Variants in CACNA2D4 observed in about 807,000 individuals in gnomAD.
CACNA2D4 encodes calcium voltage-gated channel auxiliary subunit alpha2delta 4.
In CACNA2D4, 157 loss-of-function variants were observed where a neutral mutation model predicts 163.8. The observed-to-expected ratio is 0.96, with a 90% confidence interval of 0.84 to 1.09. The LOEUF is 1.09. CACNA2D4 is among the 50% of genes least tolerant of loss of function. The pLI, the probability that CACNA2D4 is intolerant of heterozygous loss-of-function variation, is 0.00. For missense variants in CACNA2D4, 1,410 were observed against 1,479.9 expected, an observed-to-expected ratio of 0.95 and a Z score of 0.78; for synonymous variants, 598 against 586.9, an observed-to-expected ratio of 1.02 and a Z score of -0.27.
rs146080972 is a variant in CACNA2D4 at position 1,799,579 on chromosome 12, C to A, written c.2995+96G>T. The A allele has an allele frequency of 9.7e-5, 129 of 1,324,070 alleles. No individual in the cohort carries two copies. In the African/African-American group the frequency reaches 1.6e-3, roughly 17 times the overall value. The allele number at this position is 1,324,070 out of a possible 1,614,324, so 82.0% of individuals were successfully genotyped here. A position where few individuals can be genotyped will look rare whatever the true frequency, so the allele number is the denominator to read the frequency against. On this transcript the variant is annotated intron_variant, in intron 34 of 37. Coordinates refer to ENST00000382722, the MANE Select transcript of CACNA2D4 (RefSeq NM_172364.5). This position sits in a 1 kb window ranked among gnomAD's most constrained non-coding sequence, Gnocchi z 4.7. The stretch of plus-strand genomic sequence containing the variant: ...AGGAGAGCTCAGCCCTGCTTGGGGT[C>A]ATTCCTGGGACAGGTCATGGAGGGT...
At chr12:1,863,120 T>C (rs765603441) in intron 18 of CACNA2D4, among the ~76,000 whole-genome samples, 3 of 152,250 alleles carry the variant, frequency 2.0e-5, no homozygotes, top group South Asian at 2.1e-4. Context: ...GTATGAGCTA[T>C]GGCTCAATGT....
intron 8 of CACNA2D4, 84 bp from the exon 9 acceptor site, chr12:1,886,123 T>C (rs2154449818): frequency 6.5e-7 from 1 of 1,535,042 alleles, no homozygotes; most frequent in Non-Finnish European, 9.0e-7. Context: ...AAGACACTCA[T>C]GCAGGTCACC....
intron 32 of CACNA2D4, 135 bp downstream of exon 32, chr12:1,800,251 G>T: frequency 9.6e-7 from 1 of 1,040,434 alleles, no homozygotes; most frequent in Non-Finnish European, 1.5e-6. Flanking sequence ...CATGCCCAGG[G>T]ATTGTGCCCT....
chr12:1,880,787 T>C (rs1245163006), intron 13 of CACNA2D4, among the ~76,000 whole-genome samples: 1 of 152,208 alleles, frequency 6.6e-6, no homozygotes. Context: ...CACGATGACA[T>C]CTAATTGTTT....
At chr12:1,889,876 G>A (rs1866236210) in intron 6 of CACNA2D4, among the ~76,000 whole-genome samples, 1 of 152,174 alleles carries the variant, frequency 6.6e-6, no homozygotes, top group African/African-American at 2.4e-5. Flanking sequence ...GAGGCATCTG[G>A]TACTTTCCTC....
Position 1,897,857 on chromosome 12 carries a change from C to T in CACNA2D4, c.781+9583G>A, listed in dbSNP as rs190050453. On this transcript the variant is annotated intron_variant, in intron 6 of 37. Coordinates refer to ENST00000382722, the MANE Select transcript of CACNA2D4 (RefSeq NM_172364.5). Reference sequence around the variant, plus strand: ...CAGAAAATTTAAGCAATACAGTTAACAAGCTTGATCTAATGGCATGTATAG... The same window carrying T: ...CAGAAAATTTAAGCAATACAGTTAATAAGCTTGATCTAATGGCATGTATAG... Among the ~76,000 whole-genome samples the T allele has an allele frequency of 5.3e-5, 8 of 152,236 alleles. No individual in the cohort carries two copies. The East Asian group carries it at 1.5e-3, about 29-fold the overall frequency.
chr12:1,841,103 G>A (rs149426291), intron 25 of CACNA2D4, among the ~76,000 whole-genome samples: 338 of 152,344 alleles, frequency 2.2e-3, no homozygotes, highest in Non-Finnish European at 3.3e-3. Context: ...TGTCGGCTGC[G>A]GCATGCATTT....
At chr12:1,817,729 G>A (rs1161651506) in intron 26 of CACNA2D4, among the ~76,000 whole-genome samples, 2 of 152,120 alleles carry the variant, frequency 1.3e-5, no homozygotes, top group African/African-American at 2.4e-5. Context: ...CGAGTGATCC[G>A]CCAGCCTCGG....
chr12:1,842,979 C>A (rs533532401), intron 25 of CACNA2D4, among the ~76,000 whole-genome samples: 1 of 152,208 alleles, frequency 6.6e-6, no homozygotes, highest in African/African-American at 2.4e-5. Flanking sequence ...CAGAGCTTGG[C>A]TCTGTGGCTC....
At chr12:1,851,996 C>A (rs1865293878) in intron 23 of CACNA2D4, among the ~76,000 whole-genome samples, 1 of 151,760 alleles carries the variant, frequency 6.6e-6, no homozygotes. Context: ...TTATTTCTTG[C>A]CTTTTAAAAT....
intron 25 of CACNA2D4, among the ~76,000 whole-genome samples, chr12:1,841,155 G>A (rs771187695): frequency 2.0e-5 from 3 of 152,212 alleles, no homozygotes; most frequent in African/African-American, 7.2e-5. Context: ...CCCTTCCAAC[G>A]GCAGGAAGGA....
chr12:1,841,778 C>T (rs908563089), intron 25 of CACNA2D4, among the ~76,000 whole-genome samples: 2 of 152,220 alleles, frequency 1.3e-5, no homozygotes, highest in Non-Finnish European at 2.9e-5. Context: ...TGTCAATTGT[C>T]CCGGGACTTA....
At chr12:1,886,985 A>G in intron 7 of CACNA2D4, 24 bp downstream of exon 7, 2 of 1,558,786 alleles carry the variant, frequency 1.3e-6, no homozygotes, top group South Asian at 2.3e-5. Context: ...CCGGGCCGCA[A>G]ACCTTTCCCC....
At chr12:1,854,113 C>T (rs1239797051) in intron 22 of CACNA2D4, 69 bp from the exon 23 acceptor site, 2 of 1,177,304 alleles carry the variant, frequency 1.7e-6, no homozygotes, top group Non-Finnish European at 2.4e-6. Context: ...CTCTCCCATC[C>T]TAAGTTCAGG....
At chr12:1,856,312 T>C in intron 20 of CACNA2D4, 83 bp from the exon 21 acceptor site, 1 of 1,466,310 alleles carries the variant, frequency 6.8e-7, no homozygotes, top group Non-Finnish European at 9.5e-7. Context: ...AGCCACCCAG[T>C]GAGTTTCTAA....
At chr12:1,909,613 T>C (rs929077356) in intron 4 of CACNA2D4, among the ~76,000 whole-genome samples, 2 of 152,206 alleles carry the variant, frequency 1.3e-5, no homozygotes, top group Admixed American at 1.3e-4. Flanking sequence ...CTGCAGGAGT[T>C]TGGGGGCAGA....
chr12:1,820,970 G>A lies in CACNA2D4; in HGVS notation c.2552-9247C>T, dbSNP rs1033336153. On this transcript the variant is annotated intron_variant, in intron 26 of 37. Transcript: ENST00000382722. This position sits in a 1 kb window ranked among gnomAD's most constrained non-coding sequence, Gnocchi z 6.0. Reference sequence around the variant, plus strand: ...ATTGCTGGGGCCGAAGAAGCTGCTCGGGCTCAGGCACCTGAGCATCCCAAA... The same window carrying A: ...ATTGCTGGGGCCGAAGAAGCTGCTCAGGCTCAGGCACCTGAGCATCCCAAA... 5.3e-5 allele frequency among the ~76,000 whole-genome samples: 8 copies of A among 152,172 alleles called. No individual in the cohort carries two copies. The highest frequency in any genetic ancestry group is 1.9e-4 in the East Asian group (1 of 5,196).
chr12:1,907,655 G>C, intron 5 of CACNA2D4, 84 bp from the exon 6 acceptor site: 4 of 890,858 alleles, frequency 4.5e-6, no homozygotes, highest in Non-Finnish European at 5.8e-6. Flanking sequence ...CCTGGTGGGC[G>C]TGTCTGGTGG....
chr12:1,834,950 T>G lies in CACNA2D4; in HGVS notation c.2551+5789A>C, dbSNP rs1297509436. 1.3e-6 allele frequency: 1 copy of G among 741,602 alleles called. No homozygotes were observed. The highest frequency in any genetic ancestry group is 1.8e-5 in the African/African-American group (1 of 56,332). 45.9% of individuals were successfully genotyped at this position (741,602 alleles called of 1,614,324 possible). A position where few individuals can be genotyped will look rare whatever the true frequency, so the allele number is the denominator to read the frequency against. Reference sequence around the variant, plus strand: ...TGCTCCTGTCTGGGCCAGTAAATCTTTGGAACATGTGGGGGATCTCCCTAA... The same window carrying G: ...TGCTCCTGTCTGGGCCAGTAAATCTGTGGAACATGTGGGGGATCTCCCTAA... On this transcript the variant is annotated intron_variant, in intron 26 of 37. Coordinates refer to ENST00000382722, the MANE Select transcript of CACNA2D4 (RefSeq NM_172364.5). The surrounding 1 kb of genome is among the most constrained non-coding windows in gnomAD (Gnocchi z 7.6).
Sources: allele counts gnomAD v4.1 joint callset (sites outside exome capture counted in the v4.1 genomes callset), GRCh38; gene constraint gnomAD v4.1.1; non-coding constraint Gnocchi (gnomAD v3.1); transcripts MANE v1.5; gene names NCBI Gene and HGNC (gene_info 2026-07-23, HGNC 2026-07-21).